SLC26A7: variants seen among roughly 807,000 people sequenced by gnomAD.
SLC26A7 encodes the protein solute carrier family 26 member 7, also known as anion exchange transporter.
Under a neutral mutation model 82.5 loss-of-function variants are expected in SLC26A7, and 59 were observed. That is an observed-to-expected ratio of 0.72 (90% CI 0.58 to 0.89). SLC26A7 has a LOEUF of 0.89. SLC26A7 is among the 40% of genes least tolerant of loss of function. The pLI is 0.00. For synonymous variants in SLC26A7, 271 were observed against 274.3 expected, an observed-to-expected ratio of 0.99 and a Z score of 0.12; for missense variants, 820 against 793.0, an observed-to-expected ratio of 1.03 and a Z score of -0.41.
intron 4 of SLC26A7, among the ~76,000 whole-genome samples, chr8:91,311,700 A>G (rs1030632956): frequency 4.6e-5 from 7 of 152,194 alleles, no homozygotes; most frequent in Non-Finnish European, 7.3e-5. Flanking sequence ...AAAATGGTCT[A>G]TGGTCTGTGC....
intron 2 of SLC26A7, among the ~76,000 whole-genome samples, chr8:91,225,562 T>A (rs11986880): frequency 0.025 from 3,400 of 134,512 alleles, 148 homozygotes; most frequent in African/African-American, 0.088. Context: ...CTTATTATGA[T>A]TTTTTTTTTT....
rs190458140 is a variant in SLC26A7, at chr8:91,327,046, T to G, written c.643-7249T>G. 6.6e-3 allele frequency among the ~76,000 whole-genome samples: 1,012 copies of G among 152,302 alleles called. 4 individuals carry two copies. Among genetic ancestry groups the G allele is most frequent in the Non-Finnish European group, 0.011 (777 of 68,018 alleles). ...GGTCGATCCTTTACTTAATTACATC[T>G]GCAAAGACCTTATTTTTCCATATAA... On this transcript the variant is annotated intron_variant, in intron 5 of 18. Transcript: ENST00000276609.
At chr8:91,368,714 C>T (rs540653377) in intron 14 of SLC26A7, among the ~76,000 whole-genome samples, 29 of 152,256 alleles carry the variant, frequency 1.9e-4, no homozygotes, top group East Asian at 3.9e-4. Context: ...TGAGCCACCA[C>T]GCCCGGCCCA....
intron 6 of SLC26A7, among the ~76,000 whole-genome samples, chr8:91,337,217 G>A (rs951752885): frequency 5.3e-5 from 8 of 151,716 alleles, no homozygotes; most frequent in Admixed American, 2.6e-4. Flanking sequence ...ACAGGAATAG[G>A]GGAAAAAAAC....
rs150217540 is a variant in SLC26A7, at chr8:91,362,381, C to T, written c.1343C>T (p.Thr448Ile). ...ATATGGGTCAGTACATATGTATTTA[C>T]AATATGCTTTGCTGCCAATGTGGGA... ...WGIWVSTYVF[T>I]ICFAANVGLL... Residue 448 changes from threonine (T) to isoleucine (I), a missense_variant, in exon 12 of 19, where the codon ACA (threonine) becomes ATA (isoleucine). Coordinates refer to ENST00000276609, the MANE Select transcript of SLC26A7 (RefSeq NM_052832.4). 26 of 1,612,998 alleles carry T rather than the reference C, an allele frequency of 1.6e-5. No homozygotes were observed. In the African/African-American group the frequency reaches 2.8e-4, roughly 17 times the overall value.
At chr8:91,323,846 T>C (rs1428737595) in intron 5 of SLC26A7, among the ~76,000 whole-genome samples, 1 of 143,584 alleles carries the variant, frequency 7.0e-6, no homozygotes, top group African/African-American at 2.6e-5. Context: ...TGAGACATAG[T>C]CTCACTCTGC....
chr8:91,378,619 G>A (rs1453724482), intron 15 of SLC26A7, among the ~76,000 whole-genome samples: 1 of 151,772 alleles, frequency 6.6e-6, no homozygotes, highest in Non-Finnish European at 1.5e-5. Flanking sequence ...CTGAAGATCT[G>A]GTTGGACATT....
chr8:91,357,655 C>T (rs1342475014), intron 11 of SLC26A7, among the ~76,000 whole-genome samples: 4 of 152,062 alleles, frequency 2.6e-5, no homozygotes, highest in Non-Finnish European at 5.9e-5. Context: ...CCATGAAAAC[C>T]CTAGAAGAAA....
chr8:91,259,995 C>G (rs1359871595), intron 2 of SLC26A7, among the ~76,000 whole-genome samples: 1 of 152,088 alleles, frequency 6.6e-6, no homozygotes, highest in East Asian at 1.9e-4. Flanking sequence ...ACTGTTGATA[C>G]CTCTATTTTG....
rs1353810005 is a variant in SLC26A7, at chr8:91,340,593, T to C, written c.1026+42T>C. On this transcript the variant is annotated intron_variant, in intron 8 of 18. Transcript: ENST00000276609. ...GTCCCTCTCCACTCCAGTTGTATCATTGCACTGTGCACTCCCAGATCCTAA... is the reference window on the plus strand; with the variant it reads ...GTCCCTCTCCACTCCAGTTGTATCACTGCACTGTGCACTCCCAGATCCTAA... 4 of 1,610,554 alleles carry C rather than the reference T, an allele frequency of 2.5e-6. No homozygotes were observed. The East Asian group carries it at 8.9e-5, about 36-fold the overall frequency.
chr8:91,388,367 C>T (rs962279550), intron 15 of SLC26A7, among the ~76,000 whole-genome samples: 1 of 152,172 alleles, frequency 6.6e-6, no homozygotes, highest in African/African-American at 2.4e-5. Flanking sequence ...CTGCCTCAGC[C>T]TCCCGAGCGG....
intron 1 of SLC26A7, among the ~76,000 whole-genome samples, chr8:91,216,291 C>A (rs908459640): frequency 1.3e-5 from 2 of 152,026 alleles, no homozygotes; most frequent in African/African-American, 2.4e-5. Context: ...CAATAAGAGC[C>A]AACCTAAACT....
intron 4 of SLC26A7, among the ~76,000 whole-genome samples, chr8:91,313,673 T>C (rs1164889144): frequency 1.3e-5 from 2 of 152,272 alleles, no homozygotes; most frequent in South Asian, 2.1e-4. Context: ...TTTCCCAACA[T>C]CATCATTTCA....
At chr8:91,286,056 G>A (rs1811701391) in intron 2 of SLC26A7, among the ~76,000 whole-genome samples, 1 of 152,158 alleles carries the variant, frequency 6.6e-6, no homozygotes, top group Non-Finnish European at 1.5e-5. Flanking sequence ...CTCATCACTA[G>A]TGATTGAGTC....
intron 4 of SLC26A7, 91 bp from the exon 5 acceptor site, chr8:91,318,125 A>G (rs1172241681): frequency 8.1e-6 from 9 of 1,104,474 alleles, no homozygotes; most frequent in Non-Finnish European, 1.2e-5. Flanking sequence ...ATTCTATCAA[A>G]TGAAAATGAG....
intron 3 of SLC26A7, among the ~76,000 whole-genome samples, chr8:91,291,641 A>G (rs1811872358): frequency 6.6e-6 from 1 of 152,242 alleles, no homozygotes; most frequent in Non-Finnish European, 1.5e-5. Context: ...TTAAATACGT[A>G]CTTACACAAA....
chr8:91,255,696 C>T (rs1333876364), intron 2 of SLC26A7, among the ~76,000 whole-genome samples: 3 of 152,114 alleles, frequency 2.0e-5, no homozygotes, highest in African/African-American at 7.2e-5. Context: ...CTCCAAGCTT[C>T]ATTCGGTACT....
At chr8:91,251,613 C>T (rs1225962455) in intron 2 of SLC26A7, among the ~76,000 whole-genome samples, 1 of 151,904 alleles carries the variant, frequency 6.6e-6, no homozygotes, top group Non-Finnish European at 1.5e-5. Context: ...GAGGCAATGC[C>T]CTAAACCCTT....
intron 2 of SLC26A7, among the ~76,000 whole-genome samples, chr8:91,262,544 C>T (rs1352604649): frequency 6.6e-6 from 1 of 152,072 alleles, no homozygotes; most frequent in Non-Finnish European, 1.5e-5. Flanking sequence ...AAGAAGGCAT[C>T]AGCCAGCATC....
Sources: gnomAD v4.1 joint callset for allele counts (sites outside exome capture counted in the v4.1 genomes callset) on GRCh38, gnomAD v4.1.1 for gene constraint, MANE v1.5 for transcripts, NCBI Gene and HGNC (gene_info 2026-07-23, HGNC 2026-07-21) for gene names.